The following MMADHC variants were observed in gnomAD, a reference collection of about 807,000 sequenced individuals.
MMADHC encodes metabolism of cobalamin associated D.
In MMADHC, 23 loss-of-function variants were observed where a neutral mutation model predicts 36.3. The observed-to-expected ratio is 0.63, with a 90% CI of 0.46 to 0.90. The LOEUF (loss-of-function observed/expected upper bound fraction) is 0.90, where lower values mean the gene tolerates loss of function less well. Among genes scored for constraint, MMADHC ranks in the 40% least tolerant of loss-of-function variants. MMADHC has a pLI of 0.00. For missense variants in MMADHC, 330 were observed against 348.0 expected (o/e 0.95, Z 0.41); for synonymous variants, 97 against 116.1 (o/e 0.84, Z 1.06).
intron 6 of MMADHC, among the ~76,000 whole-genome samples, chr2:149,572,554 T>C (rs1006240807): frequency 6.6e-6 from 1 of 152,090 alleles, no homozygotes; most frequent in African/African-American, 2.4e-5. Flanking sequence ...TCTGTGGACA[T>C]TTGCCTGTCA....
At chr2:149,581,253 AT>A (rs1682789816) in intron 3 of MMADHC, among the ~76,000 whole-genome samples, 1 of 152,124 alleles carries the variant, frequency 6.6e-6, no homozygotes, top group Non-Finnish European at 1.5e-5. Flanking sequence ...TATATTCCAG[AT>A]ACTAACATCT....
At chr2:149,584,526 T>A (rs950330689) in intron 2 of MMADHC, among the ~76,000 whole-genome samples, 1 of 152,216 alleles carries the variant, frequency 6.6e-6, no homozygotes, top group Non-Finnish European at 1.5e-5. Context: ...TTTATTATTT[T>A]AGCCTGTCTA....
At chr2:149,586,894 G>T (rs988073156) in intron 2 of MMADHC, 195 bp downstream of exon 2, 2 of 618,530 alleles carry the variant, frequency 3.2e-6, no homozygotes, top group Non-Finnish European at 5.8e-6. Context: ...GTATAAATAA[G>T]TGTATTTGCA....
chr2:149,578,298 G>A (rs1558847460), intron 4 of MMADHC, among the ~76,000 whole-genome samples: 1 of 152,136 alleles, frequency 6.6e-6, no homozygotes, highest in Non-Finnish European at 1.5e-5. Flanking sequence ...GTGATATGAT[G>A]GAGAAAGAAG....
intron 7 of MMADHC, among the ~76,000 whole-genome samples, chr2:149,570,574 T>C (rs1311978214): frequency 2.0e-5 from 3 of 152,218 alleles, no homozygotes; most frequent in African/African-American, 7.2e-5. Flanking sequence ...CAAAAAATGA[T>C]TTAATTACTA....
At chr2:149,574,494 A>T (rs1682686510) in intron 6 of MMADHC, among the ~76,000 whole-genome samples, 1 of 152,184 alleles carries the variant, frequency 6.6e-6, no homozygotes, top group African/African-American at 2.4e-5. Flanking sequence ...CTAACATCCT[A>T]CACAGGAATC....
chr2:149,576,701 C>G (rs1682724185), intron 4 of MMADHC, among the ~76,000 whole-genome samples, 159 bp from the exon 5 acceptor site: 2 of 152,124 alleles, frequency 1.3e-5, no homozygotes, highest in African/African-American at 4.8e-5. Flanking sequence ...CTCATTTACT[C>G]AAACTTTTCT....
At chr2:149,584,512 A>G (rs1682835602) in intron 2 of MMADHC, among the ~76,000 whole-genome samples, 1 of 152,190 alleles carries the variant, frequency 6.6e-6, no homozygotes, top group Non-Finnish European at 1.5e-5. Context: ...AAAATCGCCT[A>G]TTATTTATTA....
chr2:149,577,562 A>T (rs1224086741), intron 4 of MMADHC, among the ~76,000 whole-genome samples: 1 of 152,194 alleles, frequency 6.6e-6, no homozygotes, highest in East Asian at 1.9e-4. Context: ...TATGCCTGTA[A>T]TCCCTGCTCG....
chr2:149,578,986 CTTT>C (rs1210920381), intron 4 of MMADHC, among the ~76,000 whole-genome samples: 1 of 138,530 alleles, frequency 7.2e-6, no homozygotes, highest in Non-Finnish European at 1.6e-5. Context: ...AAACTGGTTC[CTTT>C]TTTTTTTTTT....
chr2:149,578,771 T>C (rs1012119894), intron 4 of MMADHC, among the ~76,000 whole-genome samples: 2 of 152,060 alleles, frequency 1.3e-5, no homozygotes, highest in African/African-American at 4.8e-5. Flanking sequence ...CTGCTTATAA[T>C]ATGGCTTTGA....
chr2:149,575,180 G>C (rs1319050126), intron 6 of MMADHC, among the ~76,000 whole-genome samples: 1 of 152,210 alleles, frequency 6.6e-6, no homozygotes, highest in Non-Finnish European at 1.5e-5. Context: ...ATATATCTAT[G>C]TGTAAGCATG....
rs147329202 is a variant in MMADHC, at chr2:149,579,316, T to C, written c.372+115A>G. On this transcript the variant is annotated intron_variant, in intron 4 of 7. Coordinates refer to ENST00000303319, the MANE Select transcript of MMADHC (RefSeq NM_015702.3). The stretch of plus-strand genomic sequence containing the variant: ...TATATATGCTGTTTTTGTATATACA[T>C]GTACTGGAATTAAATTGATTTTTTA... 5,368 of 958,904 alleles carry C rather than the reference T, an allele frequency of 5.6e-3. 187 individuals are homozygous for C. In the Admixed American group the frequency reaches 0.077, roughly 14 times the overall value. The allele number at this position is 958,904 out of a possible 1,614,324, so 59.4% of individuals were successfully genotyped here. A position where few individuals can be genotyped will look rare whatever the true frequency, so the allele number is the denominator to read the frequency against.
Position 149,570,099 on chromosome 2 carries a change from C to T in MMADHC, c.766G>A (p.Val256Ile), listed in dbSNP as rs748309103. 6.2e-7 allele frequency: 1 copy of T among 1,613,810 alleles called. No homozygotes were observed. The highest frequency in any genetic ancestry group is 8.5e-7 in the Non-Finnish European group (1 of 1,179,846). ...DERYRHLGFSVDDLGCCKVIR... is the reference protein window; with the variant it reads ...DERYRHLGFSIDDLGCCKVIR... Reference sequence around the variant, plus strand: ...ACTTTACAGCATCCAAGGTCATCAACAGAGAATCCTAAATGTCGGTAGCGT... The same window carrying T: ...ACTTTACAGCATCCAAGGTCATCAATAGAGAATCCTAAATGTCGGTAGCGT... Residue 256 changes from valine to isoleucine, a missense_variant, in exon 8 of 8, where the codon GTT (valine) becomes ATT (isoleucine). Physicochemically the swap from Val to Ile is conservative, Grantham distance 29 (BLOSUM62 3). Coordinates refer to ENST00000303319, the MANE Select transcript of MMADHC (RefSeq NM_015702.3).
Position 149,571,169 on chromosome 2 carries a change from G to A in MMADHC, c.612C>T (p.Phe204=), listed in dbSNP as rs1573874420. The part of the protein sequence containing the change: ...EIEREVLLEK[F]INGAKEICYA... The stretch of plus-strand genomic sequence containing the variant: ...AGCAAATTTCCTTAGCACCATTGAT[G>A]AACTGCAATGGAAGTCACAAATAAT... The change falls in exon 7 of 8, where the codon TTC becomes TTT. Residue 204 remains phenylalanine, a splice_region_variant and synonymous_variant. Coordinates refer to ENST00000303319, the MANE Select transcript of MMADHC (RefSeq NM_015702.3). 2.5e-6 allele frequency: 4 copies of A among 1,600,504 alleles called. No homozygotes were observed. In the South Asian group the frequency reaches 3.4e-5, roughly 13 times the overall value.
intron 4 of MMADHC, among the ~76,000 whole-genome samples, chr2:149,578,242 G>A (rs1037697797): frequency 6.6e-6 from 1 of 152,086 alleles, no homozygotes; most frequent in East Asian, 1.9e-4. Context: ...AATATTTTAG[G>A]AGCAACTTGA....
intron 6 of MMADHC, 147 bp from the exon 7 acceptor site, chr2:149,571,318 A>C: frequency 1.9e-6 from 1 of 536,838 alleles, no homozygotes; most frequent in South Asian, 3.2e-5. Context: ...TTAGACTGTA[A>C]AGGCGTAAGA....
chr2:149,581,680 G>C (rs1223733296), intron 3 of MMADHC, among the ~76,000 whole-genome samples: 5 of 152,156 alleles, frequency 3.3e-5, no homozygotes, highest in Admixed American at 3.3e-4. Flanking sequence ...TTCAAGAAAG[G>C]GACATGGTTA....
At chr2:149,576,816 T>C (rs1476165478) in intron 4 of MMADHC, among the ~76,000 whole-genome samples, 1 of 152,216 alleles carries the variant, frequency 6.6e-6, no homozygotes, top group Non-Finnish European at 1.5e-5. Flanking sequence ...AGAAATTGGC[T>C]AAGTAACTAA....
Sources: allele counts gnomAD v4.1 joint callset (sites outside exome capture counted in the v4.1 genomes callset), GRCh38; gene constraint gnomAD v4.1.1; transcripts MANE v1.5; gene names NCBI Gene and HGNC (gene_info 2026-07-23, HGNC 2026-07-21).